The following ARL10 variants were observed in gnomAD, a reference collection of about 807,000 sequenced individuals.
ARL10 encodes ADP-ribosylation factor-like protein 10.
Under a neutral mutation model 26.1 loss-of-function variants are expected in ARL10, and 23 were observed. The ratio of observed to expected loss-of-function variants is 0.88; its 90% CI spans 0.63 to 1.25. ARL10 has a LOEUF of 1.25. Among genes scored for constraint, ARL10 ranks in the 50% most tolerant of loss-of-function variants. ARL10 has a pLI of 0.00. For synonymous variants in ARL10, 138 were observed against 149.1 expected (o/e 0.93, Z 0.54); for missense variants, 300 against 323.6 (o/e 0.93, Z 0.56).
the ARL10 span, among the ~76,000 whole-genome samples, chr5:176,412,042 G>T: frequency 5.3e-5 from 8 of 152,002 alleles, no homozygotes; most frequent in East Asian, 3.9e-4. Flanking sequence ...CAGGCGTGGT[G>T]GCAGGCGCCT....
chr5:176,384,520 C>A, downstream of ARL10: 1 of 761,368 alleles, frequency 1.3e-6, no homozygotes, highest in Non-Finnish European at 2.1e-6. Flanking sequence ...GGCACAGTGG[C>A]TCATGCCTGT....
downstream of ARL10, chr5:176,385,198 C>A (rs375826402): frequency 9.5e-5 from 135 of 1,425,372 alleles, no homozygotes; most frequent in Non-Finnish European, 1.3e-4. Flanking sequence ...TCCCAGCCAG[C>A]CCACGGGGCC....
chr5:176,390,710 G>C (rs568571515), downstream of ARL10, among the ~76,000 whole-genome samples: 2 of 152,020 alleles, frequency 1.3e-5, no homozygotes, highest in South Asian at 4.2e-4. Context: ...GCCTCCCAAA[G>C]TGCTGGGATT....
rs1755527429 is a variant in ARL10 at position 176,380,595 on chromosome 5, GC to G, written c.*8702del. 1 of 150,350 alleles carries G rather than the reference GC, an allele frequency of 6.7e-6. No homozygotes were observed. Among genetic ancestry groups the G allele is most frequent in the South Asian group, 2.1e-4 (1 of 4,712 alleles). 9.3% of individuals were successfully genotyped at this position (150,350 alleles called of 1,614,324 possible). ...AGGTTCAAGCAATTCTCCTGCCTCA[GC>G]CTCTCAGCCTCCCGAGTAGCTGCGA... On this transcript the variant is annotated 3_prime_UTR_variant, in exon 4 of 4. Transcript: ENST00000310389.
chr5:176,367,505 G>C (rs1371935591), intron 2 of ARL10, among the ~76,000 whole-genome samples: 1 of 152,144 alleles, frequency 6.6e-6, no homozygotes, highest in Non-Finnish European at 1.5e-5. Context: ...CCCATGTCAG[G>C]TAATGTCACT....
chr5:176,388,807 C>CT (rs1561786348), downstream of ARL10: 1 of 1,611,328 alleles, frequency 6.2e-7, no homozygotes. Flanking sequence ...TCTCCTGCTG[C>CT]TGTGGCCCGG....
At chr5:176,408,147 T>G in the ARL10 span, among the ~76,000 whole-genome samples, 1 of 151,848 alleles carries the variant, frequency 6.6e-6, no homozygotes, top group Non-Finnish European at 1.5e-5. Context: ...AATGGATTTG[T>G]GTGTATGCAA....
At chr5:176,367,002 CT>C (rs67066126) in intron 2 of ARL10, among the ~76,000 whole-genome samples, 1,994 of 106,536 alleles carry the variant, frequency 0.019, 4 homozygotes, top group Middle Eastern at 0.032. Flanking sequence ...CCTTTCTAGT[CT>C]TTTTTTTTTT....
At chr5:176,384,573 GCCCAGGAGTTCCAGGCCA>G (rs953175991), downstream of ARL10, 23 of 594,310 alleles carry the variant, frequency 3.9e-5, no homozygotes, top group African/African-American at 3.7e-4. Context: ...GATCTCTTGA[GCCCAGGAGTTCCAGGCCA>G]CCCTGGGCAA....
Position 176,372,756 on chromosome 5 carries a change from CA to C in ARL10, c.*862del. ...GAAGGAGCCTGTGTCCCTGGGACGA[CA>C]GTCAACTGGAGCTAGGTGTTGACCT... On this transcript the variant is annotated 3_prime_UTR_variant, in exon 4 of 4. Coordinates refer to ENST00000310389, the MANE Select transcript of ARL10 (RefSeq NM_173664.6). The C allele has an allele frequency of 2.5e-6, 1 of 397,252 alleles. No homozygotes were observed. 24.6% of individuals were successfully genotyped at this position (397,252 alleles called of 1,614,324 possible). A position where few individuals can be genotyped will look rare whatever the true frequency, so the allele number is the denominator to read the frequency against.
In ARL10 at chr5:176,365,665, C is replaced by T. The variant is rs890335741; in HGVS notation, c.102C>T (p.Arg34=). The change falls in exon 1 of 4, where the codon CGC becomes CGT. Residue 34 remains arginine, a synonymous_variant. Coordinates refer to ENST00000310389, the MANE Select transcript of ARL10 (RefSeq NM_173664.6). ...TCCTCTGGAAGACCTACTTCGGCCGCGGCCGAGAGCGGCGCTGGGACCGGG... is the reference window on the plus strand; with the variant it reads ...TCCTCTGGAAGACCTACTTCGGCCGTGGCCGAGAGCGGCGCTGGGACCGGG... The part of the protein sequence containing the change: ...LFILWKTYFG[R]GRERRWDRGE... 2.3e-5 allele frequency: 29 copies of T among 1,248,578 alleles called. No individual in the cohort carries two copies. Among genetic ancestry groups the T allele is most frequent in the Non-Finnish European group, 2.9e-5 (29 of 995,562 alleles). 77.3% of individuals were successfully genotyped at this position (1,248,578 alleles called of 1,614,324 possible).
At chr5:176,406,808 C>T, downstream of ARL10, 1 of 874,484 alleles carries the variant, frequency 1.1e-6, no homozygotes, top group Non-Finnish European at 1.5e-6. Context: ...CCTGCAGGTG[C>T]AGGCCAGACC....
chr5:176,372,937 C>CAGAT lies in ARL10; in HGVS notation c.*1043_*1046dup. On this transcript the variant is annotated 3_prime_UTR_variant, in exon 4 of 4. Coordinates refer to ENST00000310389, the MANE Select transcript of ARL10 (RefSeq NM_173664.6). ...TCATGAATGACAATGAGATAACATACAGATGTCAGTGGAGACAAAGTTGTG... is the reference window on the plus strand; with the variant it reads ...TCATGAATGACAATGAGATAACATACAGATAGATGTCAGTGGAGACAAAGTTGTG... 1 of 398,592 alleles carries CAGAT rather than the reference C, an allele frequency of 2.5e-6. No individual in the cohort carries two copies. The highest frequency in any genetic ancestry group is 6.3e-4 in the Middle Eastern group (1 of 1,588). 24.7% of individuals were successfully genotyped at this position (398,592 alleles called of 1,614,324 possible).
chr5:176,406,051 C>T (rs1757104642), downstream of ARL10: 8 of 637,590 alleles, frequency 1.3e-5, no homozygotes, highest in Non-Finnish European at 1.6e-5. Context: ...GCAGTCACCA[C>T]TCATTATTTC....
At chr5:176,406,341 A>G, downstream of ARL10, 1 of 1,111,592 alleles carries the variant, frequency 9.0e-7, no homozygotes, top group Non-Finnish European at 1.1e-6. Context: ...AGCTCCCTAG[A>G]ATCCCTCTCC....
At chr5:176,383,967 T>G (rs1205386779), downstream of ARL10, 9 of 1,522,040 alleles carry the variant, frequency 5.9e-6, no homozygotes, top group East Asian at 1.5e-4. Flanking sequence ...TGCTTTATTA[T>G]GTACACACTA....
chr5:176,400,880 C>A (rs557132061), intron 1 of ARL10, among the ~76,000 whole-genome samples: 1 of 152,178 alleles, frequency 6.6e-6, no homozygotes, highest in East Asian at 1.9e-4. Flanking sequence ...CCAGCAGGCA[C>A]CCGGTTCAAG....
At position 176,393,818 on chromosome 5, in the gene ARL10, C is replaced by T. The variant is rs1270734363; in HGVS notation, c.134-7923C>T. Among the ~76,000 whole-genome samples, 2 of 152,304 alleles carry T rather than the reference C, an allele frequency of 1.3e-5. No homozygotes were observed. The highest frequency in any genetic ancestry group is 1.5e-5 in the Non-Finnish European group (1 of 68,026). On this transcript the variant is annotated intron_variant, in intron 1 of 1. Coordinates refer to the ARL10 transcript ENST00000514533. The surrounding 1 kb of genome is among the most constrained non-coding windows in gnomAD (Gnocchi z 4.4). Reference sequence around the variant, plus strand: ...TACAGTCTAGTGGACAAAATCTACACGTGGGACTCACTAACAGAAAGACAA... The same window carrying T: ...TACAGTCTAGTGGACAAAATCTACATGTGGGACTCACTAACAGAAAGACAA...
At chr5:176,404,258 T>G (rs1756984235), downstream of ARL10, among the ~76,000 whole-genome samples, 1 of 152,206 alleles carries the variant, frequency 6.6e-6, no homozygotes, top group Non-Finnish European at 1.5e-5. Context: ...GACTAGAGAC[T>G]GGGTCCCCAG....
Sources: allele counts gnomAD v4.1 joint callset (sites outside exome capture counted in the v4.1 genomes callset), GRCh38; gene constraint gnomAD v4.1.1; non-coding constraint Gnocchi (gnomAD v3.1); transcripts MANE v1.5; gene names NCBI Gene and HGNC (gene_info 2026-07-23, HGNC 2026-07-21).